ITGA9: variants seen among roughly 807,000 people sequenced by gnomAD.
ITGA9 encodes integrin alpha-9.
ITGA9 carries 56 observed loss-of-function variants against 127.8 expected under a neutral mutation model. The observed-to-expected ratio is 0.44, with a 90% CI of 0.35 to 0.55. The LOEUF (loss-of-function observed/expected upper bound fraction) is 0.55. ITGA9 is among the 20% of genes least tolerant of loss of function. The probability of loss-of-function intolerance (pLI) is 0.00; values close to 1 mark genes in which losing one functional copy is unlikely to be tolerated. For missense variants in ITGA9, 1,196 were observed against 1,347.1 expected, an observed-to-expected ratio of 0.89 and a Z score of 1.76; for synonymous variants, 508 against 514.5, an observed-to-expected ratio of 0.99 and a Z score of 0.17.
chr3:37,704,360 C>T (rs1486741957), intron 18 of ITGA9, among the ~76,000 whole-genome samples: 2 of 152,180 alleles, frequency 1.3e-5, no homozygotes, highest in Non-Finnish European at 2.9e-5. Flanking sequence ...GGAAAGCTGG[C>T]AGCAGCCTCA....
At chr3:37,715,592 C>T (rs1253952797) in intron 18 of ITGA9, among the ~76,000 whole-genome samples, 2 of 152,188 alleles carry the variant, frequency 1.3e-5, no homozygotes, top group African/African-American at 4.8e-5. Context: ...TAAATGAGTC[C>T]ATGTTTAAGG....
chr3:37,639,510 G>A (rs558590691), intron 16 of ITGA9, among the ~76,000 whole-genome samples: 2 of 152,270 alleles, frequency 1.3e-5, no homozygotes, highest in African/African-American at 2.4e-5. Context: ...GGTCTCTCAC[G>A]TGGCTGAATA....
At position 37,452,384 on chromosome 3, in the gene ITGA9, C is replaced by T; in HGVS notation, c.10C>T (p.Pro4Ser). MGGPAAPRGAGRLR... is the reference protein window; with the variant it reads MGGSAAPRGAGRLR... Reference sequence around the variant, plus strand: ...CGGCGGCCGGCTGGGGATGGGCGGCCCGGCTGCGCCGAGGGGCGCCGGGAG... The same window carrying T: ...CGGCGGCCGGCTGGGGATGGGCGGCTCGGCTGCGCCGAGGGGCGCCGGGAG... Residue 4 changes from proline (P) to serine (S), a missense_variant, in exon 1 of 28, where the codon CCG becomes TCG. Transcript: ENST00000264741. This position sits in a 1 kb window ranked among gnomAD's most constrained non-coding sequence, Gnocchi z 7.3. 1 of 1,272,554 alleles carries T rather than the reference C, an allele frequency of 7.9e-7. No individual in the cohort carries two copies. The highest frequency in any genetic ancestry group is 2.4e-5 in the South Asian group (1 of 41,358). 78.8% of individuals were successfully genotyped at this position (1,272,554 alleles called of 1,614,324 possible).
intron 8 of ITGA9, among the ~76,000 whole-genome samples, chr3:37,512,139 C>T (rs1309399926): frequency 8.5e-5 from 1 of 11,760 alleles, no homozygotes; most frequent in African/African-American, 3.1e-4. Context: ...CTTTTCTTTT[C>T]TTTTCTTTTC....
chr3:37,492,293 C>T lies in ITGA9; in HGVS notation c.545-2208C>T, dbSNP rs115020444. Among the ~76,000 whole-genome samples, 1,333 of 152,320 alleles carry T rather than the reference C, an allele frequency of 8.8e-3. 14 individuals are homozygous for T. Among genetic ancestry groups the T allele is most frequent in the African/African-American group, 0.03 (1,243 of 41,576 alleles). ...CTTTGGGTTTCAGAAACATGAAAGTCAGTGATGGTACCGACTTCCATGTGT... is the reference window on the plus strand; with the variant it reads ...CTTTGGGTTTCAGAAACATGAAAGTTAGTGATGGTACCGACTTCCATGTGT... On this transcript the variant is annotated intron_variant, in intron 4 of 27. Transcript: ENST00000264741.
In ITGA9 at chr3:37,492,399, C is replaced by T. The variant is rs897296786; in HGVS notation, c.545-2102C>T. On this transcript the variant is annotated intron_variant, in intron 4 of 27. Transcript: ENST00000264741. ...GGCCTGAAAACAGTGCTTCATGCTG[C>T]CTGAAACAGGGGTGCCTTTAAGGGC... 4.6e-5 allele frequency among the ~76,000 whole-genome samples: 7 copies of T among 152,350 alleles called. No individual in the cohort carries two copies. In the East Asian group the frequency reaches 1.3e-3, roughly 29 times the overall value.
At chr3:37,716,765 C>T (rs556452518) in intron 18 of ITGA9, among the ~76,000 whole-genome samples, 1 of 151,860 alleles carries the variant, frequency 6.6e-6, no homozygotes, top group Non-Finnish European at 1.5e-5. Flanking sequence ...GTGTGCAAGT[C>T]GTTTTAAACA....
rs1700387220 is a variant in ITGA9 at position 37,647,375 on chromosome 3, A to AATG, written c.1840-6335_1840-6333dup. Among the ~76,000 whole-genome samples, 3 of 151,980 alleles carry AATG rather than the reference A, an allele frequency of 2.0e-5. No individual in the cohort carries two copies. In the South Asian group the frequency reaches 6.2e-4, roughly 32 times the overall value. On this transcript the variant is annotated intron_variant, in intron 16 of 27. Coordinates refer to ENST00000264741, the MANE Select transcript of ITGA9 (RefSeq NM_002207.3). ...TTTTTAATGTATGTAAGGTATATAA[A>AATG]ATGATGTTTTGATGTACATTTACAT...
intron 15 of ITGA9, 103 bp downstream of exon 15, chr3:37,542,688 A>G (rs1699286511): frequency 8.1e-7 from 1 of 1,228,846 alleles, no homozygotes; most frequent in Admixed American, 2.0e-5. Context: ...TGCTCTTCCA[A>G]AATTTTATTT....
At chr3:37,571,185 C>G (rs2844364) in intron 15 of ITGA9, among the ~76,000 whole-genome samples, 3 of 152,006 alleles carry the variant, frequency 2.0e-5, no homozygotes, top group Non-Finnish European at 4.4e-5. Flanking sequence ...TAGGGTCCAA[C>G]TCAGGGCAGG....
intron 23 of ITGA9, among the ~76,000 whole-genome samples, chr3:37,772,196 A>G (rs541045511): frequency 6.6e-6 from 1 of 152,270 alleles, no homozygotes; most frequent in South Asian, 2.1e-4. Context: ...TCCTGAGGTC[A>G]GGAGTTCAAG....
chr3:37,604,037 G>T (rs896439036), intron 15 of ITGA9, among the ~76,000 whole-genome samples: 5 of 152,224 alleles, frequency 3.3e-5, no homozygotes, highest in Non-Finnish European at 7.3e-5. Flanking sequence ...TTTTATCCAG[G>T]AAGCAGACAG....
At chr3:37,464,097 T>G (rs1313038735) in intron 1 of ITGA9, among the ~76,000 whole-genome samples, 1 of 149,496 alleles carries the variant, frequency 6.7e-6, no homozygotes, top group Admixed American at 6.8e-5. Flanking sequence ...GCTAGGTAGA[T>G]TTCCTCACAG....
intron 17 of ITGA9, among the ~76,000 whole-genome samples, chr3:37,658,971 T>G (rs546811131): frequency 1.4e-4 from 22 of 152,258 alleles, no homozygotes; most frequent in Non-Finnish European, 2.5e-4. Flanking sequence ...GAAATTCTGG[T>G]TTGAAAATTC....
chr3:37,783,597 A>G (rs1338839195), intron 25 of ITGA9, among the ~76,000 whole-genome samples: 1 of 152,128 alleles, frequency 6.6e-6, no homozygotes, highest in East Asian at 1.9e-4. Flanking sequence ...TCAGTCTCTC[A>G]AAGTGCTGGG....
At chr3:37,607,664 A>G (rs1479333230) in intron 15 of ITGA9, among the ~76,000 whole-genome samples, 2 of 152,332 alleles carry the variant, frequency 1.3e-5, no homozygotes, top group African/African-American at 2.4e-5. Flanking sequence ...CATGGCCAGT[A>G]GCTTGGTTTT....
At chr3:37,727,090 C>G (rs545723892) in intron 18 of ITGA9, among the ~76,000 whole-genome samples, 1 of 152,220 alleles carries the variant, frequency 6.6e-6, no homozygotes, top group Non-Finnish European at 1.5e-5. Context: ...CACAGCCCTC[C>G]ATAGAGTATC....
At chr3:37,482,683 G>T (rs768625632) in intron 4 of ITGA9, among the ~76,000 whole-genome samples, 1 of 152,122 alleles carries the variant, frequency 6.6e-6, no homozygotes, top group South Asian at 2.1e-4. Flanking sequence ...ACCCTTCTGG[G>T]TACTGAGGTG....
At chr3:37,698,264 A>C (rs1473918512) in intron 18 of ITGA9, among the ~76,000 whole-genome samples, 1 of 152,054 alleles carries the variant, frequency 6.6e-6, no homozygotes, top group Non-Finnish European at 1.5e-5. Flanking sequence ...AGATTGCAAA[A>C]ATTTTCTCCC....
Sources: gnomAD v4.1 joint callset for allele counts (sites outside exome capture counted in the v4.1 genomes callset) on GRCh38, gnomAD v4.1.1 for gene constraint, Gnocchi (gnomAD v3.1) non-coding constraint, MANE v1.5 for transcripts, NCBI Gene and HGNC (gene_info 2026-07-23, HGNC 2026-07-21) for gene names.